Variants in ADK observed in about 807,000 individuals in gnomAD.
ADK encodes N6,N6-dimethyladenosine kinase.
Under a neutral mutation model 44.7 loss-of-function variants are expected in ADK, and 24 were observed. That is an observed-to-expected ratio of 0.54 (90% confidence interval 0.39 to 0.76). The LOEUF is 0.76. ADK is among the 30% of genes least tolerant of loss of function. ADK has a pLI of 0.00. For missense variants in ADK, 321 were observed against 425.1 expected, an observed-to-expected ratio of 0.76 and a Z score of 2.15; for synonymous variants, 128 against 142.6, an observed-to-expected ratio of 0.90 and a Z score of 0.73.
intron 9 of ADK, among the ~76,000 whole-genome samples, chr10:74,627,042 TGTTATGATCAAATAAACA>T (rs1853229538): frequency 6.6e-6 from 1 of 152,252 alleles, no homozygotes; most frequent in African/African-American, 2.4e-5. Flanking sequence ...CATTGCTATT[TGTTATGATCAAATAAACA>T]GTATTTTTGC....
chr10:74,288,255 T>C (rs759031816), intron 3 of ADK, among the ~76,000 whole-genome samples: 4 of 152,208 alleles, frequency 2.6e-5, no homozygotes, highest in Non-Finnish European at 5.9e-5. Context: ...CAGTGAATCA[T>C]GACTCAGAAA....
chr10:74,588,588 T>C (rs1851608543), intron 7 of ADK, among the ~76,000 whole-genome samples: 1 of 152,210 alleles, frequency 6.6e-6, no homozygotes, highest in South Asian at 2.1e-4. Flanking sequence ...TAGAATACTT[T>C]ATAGGTGATG....
intron 3 of ADK, among the ~76,000 whole-genome samples, chr10:74,270,148 A>G (rs1846371097): frequency 6.6e-6 from 1 of 152,268 alleles, no homozygotes; most frequent in South Asian, 2.1e-4. Flanking sequence ...ATTTTGAAGA[A>G]TAAAGCAAGT....
chr10:74,672,599 A>AT (rs1388616008), intron 10 of ADK, among the ~76,000 whole-genome samples: 26 of 152,210 alleles, frequency 1.7e-4, no homozygotes, highest in Admixed American at 5.2e-4. Context: ...CAGGGTAATC[A>AT]GATCCCAAAA....
At chr10:74,578,110 A>G (rs1589265884) in intron 7 of ADK, among the ~76,000 whole-genome samples, 2 of 124,600 alleles carry the variant, frequency 1.6e-5, no homozygotes, top group East Asian at 3.5e-4. Flanking sequence ...TGGAAAATAT[A>G]TAAAAGGACA....
intron 3 of ADK, among the ~76,000 whole-genome samples, chr10:74,301,765 C>T (rs1216606606): frequency 6.6e-6 from 1 of 152,044 alleles, no homozygotes; most frequent in African/African-American, 2.4e-5. Flanking sequence ...CTTTCTGACC[C>T]TCATCTTCTT....
At chr10:74,245,934 A>G (rs955733363) in intron 3 of ADK, among the ~76,000 whole-genome samples, 1 of 152,070 alleles carries the variant, frequency 6.6e-6, no homozygotes, top group African/African-American at 2.4e-5. Flanking sequence ...ATGACTTTTT[A>G]TAGTTGGGTT....
chr10:74,628,299 C>G (rs1214988535), intron 9 of ADK, among the ~76,000 whole-genome samples: 1 of 152,074 alleles, frequency 6.6e-6, no homozygotes, highest in Admixed American at 6.5e-5. Context: ...CATTTCTCCT[C>G]AGATGAGTCA....
At chr10:74,481,172 T>G (rs1847058737) in intron 6 of ADK, among the ~76,000 whole-genome samples, 1 of 152,190 alleles carries the variant, frequency 6.6e-6, no homozygotes, top group South Asian at 2.1e-4. Flanking sequence ...GAAGACATGG[T>G]CATATATTGT....
intron 6 of ADK, among the ~76,000 whole-genome samples, chr10:74,422,278 C>G (rs1040558630): frequency 3.3e-5 from 5 of 152,214 alleles, no homozygotes; most frequent in African/African-American, 1.2e-4. Context: ...GATGGACATT[C>G]TACCACATAA....
At chr10:74,559,177 C>T (rs1850369209) in intron 7 of ADK, among the ~76,000 whole-genome samples, 2 of 152,238 alleles carry the variant, frequency 1.3e-5, no homozygotes, top group African/African-American at 4.8e-5. Context: ...GTCAGCACTG[C>T]TCCCTGACGC....
intron 9 of ADK, among the ~76,000 whole-genome samples, chr10:74,620,461 T>C (rs1013397448): frequency 6.6e-6 from 1 of 152,234 alleles, no homozygotes; most frequent in African/African-American, 2.4e-5. Context: ...TTCTTCTTTA[T>C]AGATAAGTAG....
At chr10:74,609,396 C>T (rs1852459488) in intron 9 of ADK, among the ~76,000 whole-genome samples, 1 of 152,142 alleles carries the variant, frequency 6.6e-6, no homozygotes, top group Admixed American at 6.6e-5. Flanking sequence ...TCCTGGTCTG[C>T]GAGTTGTGAA....
At chr10:74,660,625 G>A (rs965445861) in intron 9 of ADK, among the ~76,000 whole-genome samples, 3 of 151,122 alleles carry the variant, frequency 2.0e-5, no homozygotes, top group African/African-American at 4.9e-5. Flanking sequence ...AGCTACCTGG[G>A]AGTCTGAGAT....
intron 9 of ADK, among the ~76,000 whole-genome samples, chr10:74,618,821 T>C (rs1852873078): frequency 6.6e-6 from 1 of 152,222 alleles, no homozygotes; most frequent in Admixed American, 6.5e-5. Context: ...ACTTTATCCT[T>C]AGTTCTGGTT....
intron 6 of ADK, among the ~76,000 whole-genome samples, chr10:74,414,832 A>G (rs1485365333): frequency 6.6e-6 from 1 of 152,058 alleles, no homozygotes; most frequent in African/African-American, 2.4e-5. Context: ...TTTGAGTAAC[A>G]CTGTGATTTT....
intron 2 of ADK, among the ~76,000 whole-genome samples, chr10:74,204,050 G>T (rs1026953155): frequency 7.0e-6 from 1 of 143,234 alleles, no homozygotes; most frequent in African/African-American, 2.6e-5. Context: ...TCCATTTCCC[G>T]GGTTGAAGCG....
intron 8 of ADK, among the ~76,000 whole-genome samples, chr10:74,595,968 G>A (rs1314073464): frequency 7.3e-6 from 1 of 137,446 alleles, no homozygotes; most frequent in African/African-American, 2.8e-5. Context: ...TTGCACTCCA[G>A]CCTGGGCAAC....
intron 6 of ADK, among the ~76,000 whole-genome samples, chr10:74,409,606 A>G (rs921536886): frequency 3.3e-5 from 5 of 151,942 alleles, no homozygotes; most frequent in Non-Finnish European, 7.4e-5. Context: ...TCATTTATTT[A>G]TAACTCTGTC....
Sources: gnomAD v4.1 joint callset for allele counts (sites outside exome capture counted in the v4.1 genomes callset) on GRCh38, gnomAD v4.1.1 for gene constraint, MANE v1.5 for transcripts, NCBI Gene and HGNC (gene_info 2026-07-23, HGNC 2026-07-21) for gene names.